Variants in NUP155 observed in about 807,000 individuals in gnomAD.
NUP155 encodes the protein nucleoporin 155.
A neutral mutation model predicts 180.4 loss-of-function variants in NUP155; 71 were observed. The ratio of observed to expected loss-of-function variants is 0.39; its 90% CI spans 0.33 to 0.48. NUP155 has a LOEUF of 0.48. Ranked by LOEUF, NUP155 falls within the 20% of genes least tolerant of loss-of-function variation. The pLI, the probability that NUP155 is intolerant of heterozygous loss-of-function variation, is 0.91. For missense variants in NUP155, 1,553 were observed against 1,648.9 expected (o/e 0.94, Z 1.01); for synonymous variants, 582 against 559.5 (o/e 1.04, Z -0.57).
chr5:37,339,128 G>A (rs1192934491), intron 11 of NUP155, among the ~76,000 whole-genome samples: 2 of 152,010 alleles, frequency 1.3e-5, no homozygotes, highest in Admixed American at 1.3e-4. Flanking sequence ...CAGCAGTTTC[G>A]GAGGCTGAGG....
rs1304574201 is a variant in NUP155, at chr5:37,299,517, T to C, written c.3613A>G (p.Ile1205Val). 2.5e-6 allele frequency: 4 copies of C among 1,613,948 alleles called. No homozygotes were observed. Among genetic ancestry groups the C allele is most frequent in the Non-Finnish European group, 3.4e-6 (4 of 1,179,954 alleles). ...PFKLAECKLAIIHCAGYSDPI... is the reference protein window; with the variant it reads ...PFKLAECKLAVIHCAGYSDPI... Reference sequence around the variant, plus strand: ...TCTGAATAACCGGCACAATGAATTATTGCAAGTTTGCACTCTGCAAGTTTA... The same window carrying C: ...TCTGAATAACCGGCACAATGAATTACTGCAAGTTTGCACTCTGCAAGTTTA... The change falls in exon 31 of 35, where the codon ATA (isoleucine) becomes GTA (valine). Residue 1205 changes from isoleucine to valine, a missense_variant. Coordinates refer to ENST00000231498, the MANE Select transcript of NUP155 (RefSeq NM_153485.3).
intron 19 of NUP155, 120 bp downstream of exon 19, chr5:37,325,781 A>AT (rs1554127893): frequency 9.0e-6 from 6 of 669,164 alleles, no homozygotes; most frequent in Admixed American, 2.8e-5. Context: ...AAAAAAAAAA[A>AT]AAAAAAAAAA....
chr5:37,349,105 G>A (rs550392853), intron 8 of NUP155, 67 bp downstream of exon 8: 3 of 403,222 alleles, frequency 7.4e-6, no homozygotes, highest in Non-Finnish European at 1.3e-5. Context: ...TTTAAGAGGT[G>A]GGAATTGTCT....
chr5:37,321,084 C>T (rs1247438430), intron 20 of NUP155, among the ~76,000 whole-genome samples: 1 of 150,492 alleles, frequency 6.6e-6, no homozygotes, highest in East Asian at 1.9e-4. Context: ...TGCAGTGGCT[C>T]ACTCCTGTAA....
At chr5:37,349,615 C>T (rs1017169035) in intron 7 of NUP155, among the ~76,000 whole-genome samples, 1 of 152,016 alleles carries the variant, frequency 6.6e-6, no homozygotes, top group Admixed American at 6.6e-5. Context: ...TTACTACATC[C>T]TAGAAACACA....
chr5:37,326,040 G>T, intron 18 of NUP155, 73 bp from the exon 19 acceptor site: 1 of 1,025,018 alleles, frequency 9.8e-7, no homozygotes, highest in South Asian at 1.3e-5. Flanking sequence ...CTTTCTCTAG[G>T]AACTTAATGG....
chr5:37,340,926 C>T (rs1245365615), intron 11 of NUP155, among the ~76,000 whole-genome samples, 164 bp downstream of exon 11: 1 of 152,096 alleles, frequency 6.6e-6, no homozygotes, highest in Non-Finnish European at 1.5e-5. Flanking sequence ...AGCATAAGAC[C>T]CAATAGTCCG....
At chr5:37,361,988 G>A (rs1747252740) in intron 3 of NUP155, among the ~76,000 whole-genome samples, 1 of 152,206 alleles carries the variant, frequency 6.6e-6, no homozygotes. Flanking sequence ...TGTGAGGACA[G>A]AGTGAAAAGA....
chr5:37,365,821 A>C (rs1260807688), intron 1 of NUP155, among the ~76,000 whole-genome samples: 1 of 148,652 alleles, frequency 6.7e-6, no homozygotes, highest in Non-Finnish European at 1.5e-5. Context: ...CACAAAATTA[A>C]AAATAAAAAA....
chr5:37,331,148 CAA>C (rs543141869), intron 14 of NUP155, among the ~76,000 whole-genome samples: 2 of 133,572 alleles, frequency 1.5e-5, no homozygotes, highest in Non-Finnish European at 1.7e-5. Context: ...GACTCTGTCT[CAA>C]AAAAAAAAAA....
At position 37,305,166 on chromosome 5, in the gene NUP155, A is replaced by T. The variant is rs1218891470; in HGVS notation, c.2948T>A (p.Val983Glu). Reference protein sequence around the residue: ...KCITDTLQELVNQSKAAPQSP... With the variant: ...KCITDTLQELENQSKAAPQSP... ...CTGAGGAGCGGCCTTACTTTGATTT[A>T]CCAGTTCTTGAAGTGTGTCTGTAAT... The change falls in exon 26 of 35, where the codon GTA (valine) becomes GAA (glutamate). Residue 983 changes from valine to glutamate, a missense_variant. By Grantham distance (121) the Val-to-Glu change is moderately radical. Coordinates refer to ENST00000231498, the MANE Select transcript of NUP155 (RefSeq NM_153485.3). The T allele has an allele frequency of 6.2e-7, 1 of 1,613,764 alleles. No homozygotes were observed. The highest frequency in any genetic ancestry group is 2.2e-5 in the East Asian group (1 of 44,880).
rs766707296 is a variant in NUP155, at chr5:37,363,944, G to A, written c.336C>T (p.Ile112=). 6 of 1,613,920 alleles carry A rather than the reference G, an allele frequency of 3.7e-6. No homozygotes were observed. In the South Asian group the frequency reaches 4.4e-5, roughly 12 times the overall value. Residue 112 remains isoleucine (I), a synonymous_variant, in exon 3 of 35, where the codon ATC becomes ATT. Transcript: ENST00000231498. ...TGTCAATTGTGAGCCAAGCTCTGCT[G>A]ATAGGAGGGAACACACCCATCATGC... is the stretch of plus-strand genomic sequence containing the variant. The part of the protein sequence containing the change: ...CNCMMGVFPP[I]SRAWLTIDSD...
Position 37,318,088 on chromosome 5 carries a change from GA to G in NUP155, c.2208-4del. On this transcript the variant is annotated splice_region_variant and splice_polypyrimidine_tract_variant and intron_variant, in intron 20 of 34. Coordinates refer to ENST00000231498, the MANE Select transcript of NUP155 (RefSeq NM_153485.3). ...TCTGCTGCACTTTAGCAGTAGTACT[GA>G]AACAGAAATTGCAGAATGTGTGTGT... 1 of 1,573,458 alleles carries G rather than the reference GA, an allele frequency of 6.4e-7. No homozygotes were observed. The highest frequency in any genetic ancestry group is 8.7e-7 in the Non-Finnish European group (1 of 1,143,052).
intron 18 of NUP155, 124 bp from the exon 19 acceptor site, chr5:37,326,091 A>G: frequency 1.4e-6 from 1 of 733,526 alleles, no homozygotes; most frequent in Middle Eastern, 3.4e-4. Flanking sequence ...TTCATTTAAC[A>G]TTTTACTAAG....
chr5:37,299,415 C>A (rs1279221836), intron 31 of NUP155, 33 bp downstream of exon 31: 1 of 1,612,244 alleles, frequency 6.2e-7, no homozygotes, highest in African/African-American at 1.3e-5. Flanking sequence ...CACTACATAA[C>A]GTATGCTAAC....
chr5:37,311,602 C>T (rs553479080), intron 22 of NUP155, among the ~76,000 whole-genome samples: 16 of 151,002 alleles, frequency 1.1e-4, no homozygotes, highest in African/African-American at 2.2e-4. Context: ...AAATGGTATA[C>T]GAGAGTCAAA....
chr5:37,319,624 T>A (rs185175143), intron 20 of NUP155, among the ~76,000 whole-genome samples: 1 of 152,086 alleles, frequency 6.6e-6, no homozygotes, highest in Non-Finnish European at 1.5e-5. Context: ...CCAGCATTTT[T>A]TGAGGCCAAG....
At chr5:37,366,738 A>C (rs2111748446) in intron 1 of NUP155, among the ~76,000 whole-genome samples, 1 of 148,590 alleles carries the variant, frequency 6.7e-6, no homozygotes, top group African/African-American at 2.5e-5. Flanking sequence ...TGCAAGCTCC[A>C]CCACCTGGGT....
rs533639813 is a variant in NUP155 at position 37,348,296 on chromosome 5, C to T, written c.995+209G>A. ...TCCAGCCTGGGTGACAGAGTGAGAC[C>T]CTGTCTCAAAAAAATAAATAAATAA... On this transcript the variant is annotated intron_variant, in intron 9 of 34. Coordinates refer to ENST00000231498, the MANE Select transcript of NUP155 (RefSeq NM_153485.3). Among the ~76,000 whole-genome samples the T allele has an allele frequency of 3.5e-3, 535 of 151,066 alleles. 8 individuals carry two copies. The highest frequency in any genetic ancestry group is 3.4e-3 in the Non-Finnish European group (233 of 67,688).
Sources: gnomAD v4.1 joint callset for allele counts (sites outside exome capture counted in the v4.1 genomes callset) on GRCh38, gnomAD v4.1.1 for gene constraint, MANE v1.5 for transcripts, NCBI Gene and HGNC (gene_info 2026-07-23, HGNC 2026-07-21) for gene names.